The following CSMD3 variants were observed in gnomAD, a reference collection of about 807,000 sequenced individuals.
CSMD3 encodes CUB and sushi domain-containing protein 3.
CSMD3 carries 177 observed loss-of-function variants against 435.2 expected under a neutral mutation model. The observed-to-expected ratio is 0.41, with a 90% confidence interval of 0.36 to 0.46. The LOEUF (loss-of-function observed/expected upper bound fraction) is 0.46. Among genes scored for constraint, CSMD3 ranks in the 20% least tolerant of loss-of-function variants. The pLI is 0.34. For synonymous variants in CSMD3, 1,656 were observed against 1,520.5 expected (o/e 1.09, Z -2.07); for missense variants, 4,265 against 4,504.6 (o/e 0.95, Z 1.52).
intron 1 of CSMD3, among the ~76,000 whole-genome samples, chr8:113,338,170 GA>G (rs1295023962): frequency 1.3e-5 from 2 of 151,828 alleles, no homozygotes; most frequent in Non-Finnish European, 2.9e-5. Context: ...AAGAGCACAT[GA>G]AAAGATGCTT....
At chr8:112,291,813 T>A (rs1019022952) in intron 55 of CSMD3, 118 bp from the exon 56 acceptor site, 1 of 677,170 alleles carries the variant, frequency 1.5e-6, no homozygotes, top group South Asian at 1.9e-5. Context: ...AACAACCAGA[T>A]TCCAATAATA....
chr8:112,957,781 A>C (rs1201871782), intron 7 of CSMD3, among the ~76,000 whole-genome samples: 10 of 116,486 alleles, frequency 8.6e-5, no homozygotes, highest in African/African-American at 3.3e-4. Flanking sequence ...AGTCTCGCTC[A>C]GTCGCCCAGG....
chr8:112,935,577 T>C (rs2083256126), intron 9 of CSMD3, among the ~76,000 whole-genome samples: 1 of 152,050 alleles, frequency 6.6e-6, no homozygotes, highest in African/African-American at 2.4e-5. Context: ...CAATATTTTA[T>C]AGTTTTCAGT....
intron 22 of CSMD3, among the ~76,000 whole-genome samples, chr8:112,605,501 T>C (rs1289417353): frequency 6.6e-6 from 1 of 152,068 alleles, no homozygotes; most frequent in Non-Finnish European, 1.5e-5. Context: ...CTGGAGACCA[T>C]TATCCTAAGC....
At chr8:112,387,835 C>T (rs1437289163) in intron 36 of CSMD3, among the ~76,000 whole-genome samples, 1 of 152,084 alleles carries the variant, frequency 6.6e-6, no homozygotes, top group Non-Finnish European at 1.5e-5. Flanking sequence ...CTAAAATAGT[C>T]AAAACTCCAC....
intron 4 of CSMD3, among the ~76,000 whole-genome samples, chr8:113,107,235 G>A (rs56021157): frequency 2.0e-5 from 3 of 152,204 alleles, no homozygotes; most frequent in African/African-American, 7.2e-5. Flanking sequence ...GATCCATGGG[G>A]TCCAGGGTGA....
chr8:113,333,246 TCATAGGGTGTATGA>T (rs1588536575), intron 1 of CSMD3, among the ~76,000 whole-genome samples: 1 of 151,776 alleles, frequency 6.6e-6, no homozygotes, highest in East Asian at 1.9e-4. Context: ...TTCATATTCT[TCATAGGGTGTATGA>T]CATAGCAAAA....
chr8:112,916,832 T>C (rs1434552108), intron 10 of CSMD3, among the ~76,000 whole-genome samples: 1 of 151,968 alleles, frequency 6.6e-6, no homozygotes, highest in Non-Finnish European at 1.5e-5. Flanking sequence ...TAAACTATTA[T>C]AGCAGCTACT....
chr8:112,976,621 G>T (rs1323469220), intron 6 of CSMD3, among the ~76,000 whole-genome samples: 1 of 151,718 alleles, frequency 6.6e-6, no homozygotes. Context: ...GTGAAGAAAA[G>T]AGAATTTAAA....
chr8:112,385,830 G>T (rs1158850063), intron 36 of CSMD3, among the ~76,000 whole-genome samples: 1 of 152,124 alleles, frequency 6.6e-6, no homozygotes, highest in Non-Finnish European at 1.5e-5. Context: ...CTATTGCCTA[G>T]GTGGGAGAAA....
chr8:113,332,512 T>C (rs2094035963), intron 1 of CSMD3, among the ~76,000 whole-genome samples: 1 of 151,530 alleles, frequency 6.6e-6, no homozygotes, highest in Non-Finnish European at 1.5e-5. Flanking sequence ...CAAATAAAAT[T>C]AGAGAATAAA....
intron 1 of CSMD3, among the ~76,000 whole-genome samples, chr8:113,368,144 T>C (rs1316743028): frequency 6.6e-6 from 1 of 152,180 alleles, no homozygotes; most frequent in Non-Finnish European, 1.5e-5. Context: ...TGGCTCAAAA[T>C]GGCATAATTG....
chr8:113,410,099 A>C (rs2094551247), intron 1 of CSMD3, among the ~76,000 whole-genome samples: 1 of 151,314 alleles, frequency 6.6e-6, no homozygotes, highest in Admixed American at 6.6e-5. Flanking sequence ...ATGATAAATA[A>C]ATTATCTCTC....
intron 27 of CSMD3, among the ~76,000 whole-genome samples, chr8:112,547,111 C>G (rs1475001920): frequency 1.3e-5 from 2 of 152,110 alleles, no homozygotes; most frequent in Admixed American, 1.3e-4. Flanking sequence ...CAAATAAAAT[C>G]TGACAATTAA....
chr8:113,029,620 A>T (rs563452933), intron 5 of CSMD3, among the ~76,000 whole-genome samples: 1 of 151,764 alleles, frequency 6.6e-6, no homozygotes, highest in African/African-American at 2.4e-5. Flanking sequence ...TACAAGGGAC[A>T]TATCTTAATG....
rs561408131 is a variant in CSMD3, at chr8:112,588,890, C to T, written c.3716-1655G>A. ...GGAAATCATTTACATTTTAATTCTC[C>T]TTTATTTTTTTCTACTAGGTTTTTG... On this transcript the variant is annotated intron_variant, in intron 22 of 70. Transcript: ENST00000297405. Among the ~76,000 whole-genome samples, 225 of 152,124 alleles carry T rather than the reference C, an allele frequency of 1.5e-3. 1 individual carries two copies. Among genetic ancestry groups the T allele is most frequent in the African/African-American group, 4.9e-3 (203 of 41,518 alleles).
chr8:112,524,766 T>C (rs1465108731), intron 27 of CSMD3, among the ~76,000 whole-genome samples: 1 of 151,998 alleles, frequency 6.6e-6, no homozygotes, highest in Admixed American at 6.6e-5. Flanking sequence ...AAATCTATTT[T>C]AAAAATAAAA....
chr8:112,948,521 C>T (rs1169753310), intron 8 of CSMD3, among the ~76,000 whole-genome samples: 1 of 152,026 alleles, frequency 6.6e-6, no homozygotes, highest in East Asian at 1.9e-4. Context: ...TTCTTCAAAG[C>T]AGAAAGTCAA....
At chr8:113,345,138 C>T (rs1218190462) in intron 1 of CSMD3, among the ~76,000 whole-genome samples, 1 of 152,026 alleles carries the variant, frequency 6.6e-6, no homozygotes, top group Non-Finnish European at 1.5e-5. Context: ...AGGCAACATA[C>T]TTTTATTATT....
Sources: allele counts gnomAD v4.1 joint callset (sites outside exome capture counted in the v4.1 genomes callset), GRCh38; gene constraint gnomAD v4.1.1; transcripts MANE v1.5; gene names NCBI Gene and HGNC (gene_info 2026-07-23, HGNC 2026-07-21).